Variants in LIMA1 observed in about 807,000 individuals in gnomAD.
The protein encoded by LIMA1 is LIM domain and actin-binding protein 1.
In LIMA1, 52 loss-of-function variants were observed where a neutral mutation model predicts 62.6. That is an observed-to-expected ratio of 0.83 (90% CI 0.67 to 1.05). The LOEUF (loss-of-function observed/expected upper bound fraction) is 1.05, where lower values mean the gene tolerates loss of function less well. LIMA1 is among the 50% of genes least tolerant of loss of function. The probability of loss-of-function intolerance (pLI) is 0.00; values close to 1 mark genes in which losing one functional copy is unlikely to be tolerated. For synonymous variants in LIMA1, 302 were observed against 317.8 expected, an observed-to-expected ratio of 0.95 and a Z score of 0.53; for missense variants, 780 against 902.2, an observed-to-expected ratio of 0.86 and a Z score of 1.74.
At chr12:50,276,359 A>C (rs532534182) in intron 1 of LIMA1, among the ~76,000 whole-genome samples, 1 of 152,244 alleles carries the variant, frequency 6.6e-6, no homozygotes, top group African/African-American at 2.4e-5. Flanking sequence ...GACTATCCAC[A>C]TAGCCTAACA....
intron 9 of LIMA1, chr12:50,185,686 C>G (rs970236852): frequency 2.9e-6 from 1 of 350,098 alleles, no homozygotes; most frequent in African/African-American, 2.1e-5. Context: ...TTCACCCACA[C>G]AAGGAGTGTC....
chr12:50,193,533 TGATATATATATAC>T (rs1940835049), intron 8 of LIMA1, among the ~76,000 whole-genome samples: 2 of 131,070 alleles, frequency 1.5e-5, no homozygotes, highest in Admixed American at 1.7e-4. Context: ...TACACATATA[TGATATATATATAC>T]ATATATATCA....
chr12:50,216,165 A>G (rs1941342046), intron 4 of LIMA1, among the ~76,000 whole-genome samples: 1 of 152,196 alleles, frequency 6.6e-6, no homozygotes, highest in Non-Finnish European at 1.5e-5. Context: ...ATTAATACAT[A>G]TAAGGAATTA....
At chr12:50,247,604 AATTATTATTATT>A (rs111550387) in intron 2 of LIMA1, among the ~76,000 whole-genome samples, 3 of 140,612 alleles carry the variant, frequency 2.1e-5, no homozygotes, top group South Asian at 2.4e-4. Flanking sequence ...TAAATGCTGG[AATTATTATTATT>A]ATTATTATTA....
intron 4 of LIMA1, among the ~76,000 whole-genome samples, chr12:50,211,786 A>AACACAAAAC (rs1941261490): frequency 7.3e-6 from 1 of 136,148 alleles, no homozygotes; most frequent in South Asian, 2.5e-4. Flanking sequence ...GAAGTAAAGG[A>AACACAAAAC]ACACAAAACA....
chr12:50,204,085 A>G (rs1195211015), intron 6 of LIMA1, among the ~76,000 whole-genome samples: 1 of 152,198 alleles, frequency 6.6e-6, no homozygotes, highest in Admixed American at 6.5e-5. Context: ...TATGTGAGTT[A>G]TATCTCAGTA....
chr12:50,241,933 ATTTTTTTTTTTTTTTTTTTTT>A lies in LIMA1; in HGVS notation c.119+6679_119+6699del, dbSNP rs577308413. Among the ~76,000 whole-genome samples, 96 of 36,436 alleles carry A rather than the reference ATTTTTTTTTTTTTTTTTTTTT, an allele frequency of 2.6e-3. 1 individual carries two copies. Among genetic ancestry groups the A allele is most frequent in the East Asian group, 9.0e-3 (8 of 890 alleles). The allele number at this position is 36,436 out of a possible 152,430, so 23.9% of individuals were successfully genotyped here. On this transcript the variant is annotated intron_variant, in intron 2 of 10. Coordinates refer to ENST00000341247, the MANE Select transcript of LIMA1 (RefSeq NM_016357.5). Reference sequence around the variant, plus strand: ...AATTTTGTTCCTCTTTCCTTCCCAGATTTTTTTTTTTTTTTTTTTTTTTTTTTTTTTTTTTTTTTGCGGTCC... The same window carrying A: ...AATTTTGTTCCTCTTTCCTTCCCAGATTTTTTTTTTTTTTTTTTGCGGTCC...
intron 10 of LIMA1, among the ~76,000 whole-genome samples, chr12:50,179,299 G>A (rs1336945607): frequency 6.6e-6 from 1 of 151,604 alleles, no homozygotes; most frequent in Non-Finnish European, 1.5e-5. Context: ...GTGCCACCAT[G>A]CACGGCAAAT....
intron 3 of LIMA1, among the ~76,000 whole-genome samples, chr12:50,229,187 T>C (rs577504168): frequency 6.6e-6 from 1 of 152,206 alleles, no homozygotes; most frequent in Admixed American, 6.5e-5. Flanking sequence ...TTATTGTTCC[T>C]CTACATTCTC....
intron 2 of LIMA1, among the ~76,000 whole-genome samples, chr12:50,239,099 C>T (rs543119452): frequency 1.3e-5 from 2 of 152,004 alleles, no homozygotes; most frequent in Admixed American, 1.3e-4. Flanking sequence ...GAAAAAGTAA[C>T]GAAAGAAATA....
chr12:50,249,437 A>T (rs957293272), intron 1 of LIMA1, among the ~76,000 whole-genome samples: 9 of 152,342 alleles, frequency 5.9e-5, no homozygotes, highest in Admixed American at 5.9e-4. Flanking sequence ...GGTATATTAC[A>T]GTAGTATTAA....
chr12:50,250,102 C>G (rs908113460), intron 1 of LIMA1, among the ~76,000 whole-genome samples: 20 of 151,784 alleles, frequency 1.3e-4, no homozygotes, highest in African/African-American at 4.8e-4. Flanking sequence ...AGTTTAGGAC[C>G]AGCCTGACCA....
chr12:50,228,214 C>G (rs1332130987), intron 3 of LIMA1, among the ~76,000 whole-genome samples: 1 of 152,098 alleles, frequency 6.6e-6, no homozygotes, highest in African/African-American at 2.4e-5. Context: ...TCTAAACAGT[C>G]CCTTTGGAGG....
At chr12:50,183,810 C>CAAAAA (rs34778877) in intron 9 of LIMA1, among the ~76,000 whole-genome samples, 3 of 56,456 alleles carry the variant, frequency 5.3e-5, no homozygotes, top group Admixed American at 2.8e-4. Context: ...GACTTGGTCT[C>CAAAAA]AAAAAAAAAA....
chr12:50,230,576 CTTTTT>C (rs1203765809), intron 3 of LIMA1, among the ~76,000 whole-genome samples: 1 of 150,792 alleles, frequency 6.6e-6, no homozygotes, highest in Non-Finnish European at 1.5e-5. Flanking sequence ...TTTTCTTTTT[CTTTTT>C]TTTTGAGACA....
intron 1 of LIMA1, among the ~76,000 whole-genome samples, chr12:50,278,113 T>C (rs1942296047): frequency 6.6e-6 from 1 of 151,446 alleles, no homozygotes; most frequent in Admixed American, 6.6e-5. Flanking sequence ...CTGTCTCTAC[T>C]AAAAAACACA....
chr12:50,218,919 A>C (rs1230063257), intron 4 of LIMA1, among the ~76,000 whole-genome samples: 1 of 151,804 alleles, frequency 6.6e-6, no homozygotes, highest in South Asian at 2.1e-4. Context: ...ACAAAAACAA[A>C]AAAAAAACGC....
intron 10 of LIMA1, among the ~76,000 whole-genome samples, chr12:50,179,903 A>C (rs1377032617): frequency 6.6e-6 from 1 of 151,008 alleles, no homozygotes; most frequent in South Asian, 2.1e-4. Flanking sequence ...ATCTCCGGCC[A>C]GGTGCAGTCC....
intron 10 of LIMA1, among the ~76,000 whole-genome samples, chr12:50,180,296 T>C (rs554456972): frequency 1.9e-4 from 27 of 145,068 alleles, no homozygotes; most frequent in Admixed American, 8.3e-4. Flanking sequence ...CAAGACTCCA[T>C]CTCCGGAAAA....
Sources: allele counts gnomAD v4.1 joint callset (sites outside exome capture counted in the v4.1 genomes callset), GRCh38; gene constraint gnomAD v4.1.1; transcripts MANE v1.5; gene names NCBI Gene and HGNC (gene_info 2026-07-23, HGNC 2026-07-21).